The following NEMF variants were observed in gnomAD, a reference collection of about 807,000 sequenced individuals.
NEMF encodes nuclear export mediator factor, also known as ribosome quality control complex subunit NEMF.
In NEMF, 89 loss-of-function variants were observed where a neutral mutation model predicts 162.2. That is an observed-to-expected ratio of 0.55 (90% CI 0.46 to 0.65). NEMF has a LOEUF of 0.65. NEMF is among the 30% of genes least tolerant of loss of function. The pLI, the probability that NEMF is intolerant of heterozygous loss-of-function variation, is 0.00. For synonymous variants in NEMF, 421 were observed against 404.5 expected (o/e 1.04, Z -0.49); for missense variants, 1,133 against 1,261.9 (o/e 0.90, Z 1.55).
chr14:49,795,119 G>A (rs1267043905), intron 26 of NEMF, among the ~76,000 whole-genome samples: 2 of 152,020 alleles, frequency 1.3e-5, no homozygotes, highest in Non-Finnish European at 2.9e-5. Context: ...AAGATCACTT[G>A]AGCCTGGGAG....
chr14:49,834,487 A>G (rs1397725891), intron 6 of NEMF, 38 bp from the exon 7 acceptor site: 1 of 1,379,864 alleles, frequency 7.2e-7, no homozygotes, highest in Non-Finnish European at 1.0e-6. Context: ...GTATTTTCCT[A>G]TAAATTCTTT....
At chr14:49,843,435 A>G (rs1197117748) in intron 4 of NEMF, among the ~76,000 whole-genome samples, 1 of 152,186 alleles carries the variant, frequency 6.6e-6, no homozygotes, top group Non-Finnish European at 1.5e-5. Context: ...CCGAGTTTGC[A>G]GTAAGCCCTG....
At chr14:49,789,458 G>A (rs746991800) in intron 27 of NEMF, 38 bp downstream of exon 27, 11 of 1,609,120 alleles carry the variant, frequency 6.8e-6, no homozygotes, top group Non-Finnish European at 9.3e-6. Context: ...ATGCCCATTT[G>A]AAAAGCAAAA....
Position 49,782,290 on chromosome 14 carries a change from T to C in NEMF, c.*2346A>G, listed in dbSNP as rs1889942169. ...ACTACCTTAAGATCGCTAGTCTTTA[T>C]TTCATAGCTCTATTCTGTAGTATAA... On this transcript the variant is annotated 3_prime_UTR_variant, in exon 33 of 33. Transcript: ENST00000298310. 1.2e-6 allele frequency: 1 copy of C among 859,504 alleles called. No homozygotes were observed. The highest frequency in any genetic ancestry group is 1.7e-5 in the African/African-American group (1 of 58,626). The allele number at this position is 859,504 out of a possible 1,614,324, so 53.2% of individuals were successfully genotyped here.
In NEMF at chr14:49,796,000, C is replaced by A. The variant is rs1890676844; in HGVS notation, c.2466-56G>T. 2.8e-6 allele frequency: 4 copies of A among 1,443,838 alleles called. No homozygotes were observed. The African/African-American group carries it at 5.7e-5, about 21-fold the overall frequency. 89.4% of individuals were successfully genotyped at this position (1,443,838 alleles called of 1,614,324 possible). ...TCTTAGAATTTGAAATTCTTAGTGCCCTAAAAAAGTTCCATGGGGAAGGCA... is the reference window on the plus strand; with the variant it reads ...TCTTAGAATTTGAAATTCTTAGTGCACTAAAAAAGTTCCATGGGGAAGGCA... On this transcript the variant is annotated intron_variant, in intron 25 of 32. Transcript: ENST00000298310.
intron 4 of NEMF, among the ~76,000 whole-genome samples, chr14:49,844,248 G>C (rs1374440861): frequency 1.3e-5 from 2 of 152,044 alleles, no homozygotes. Context: ...AGATCATCAG[G>C]CATTAGATTC....
At chr14:49,821,136 C>A (rs1420705868) in intron 16 of NEMF, among the ~76,000 whole-genome samples, 10 of 11,958 alleles carry the variant, frequency 8.4e-4, no homozygotes, top group African/African-American at 9.0e-4. Flanking sequence ...AAGTGAGGAG[C>A]CCCTCCGCCC....
intron 3 of NEMF, among the ~76,000 whole-genome samples, chr14:49,847,157 T>A (rs1893544252): frequency 6.6e-6 from 1 of 152,074 alleles, no homozygotes; most frequent in Admixed American, 6.6e-5. Flanking sequence ...GTGCTGGGAT[T>A]ACAGGCATGA....
At chr14:49,813,465 T>A (rs1401484761) in intron 18 of NEMF, among the ~76,000 whole-genome samples, 1 of 152,220 alleles carries the variant, frequency 6.6e-6, no homozygotes, top group African/African-American at 2.4e-5. Context: ...TGATTCTGTG[T>A]CCAGTTATTC....
Position 49,802,392 on chromosome 14 carries a change from T to C in NEMF, c.2095+61A>G, listed in dbSNP as rs372034223. 5.7e-6 allele frequency: 9 copies of C among 1,565,540 alleles called. No homozygotes were observed. The East Asian group carries it at 1.3e-4, about 23-fold the overall frequency. On this transcript the variant is annotated intron_variant, in intron 22 of 32. Transcript: ENST00000298310. ...AAAGAGACATGATCTTCTAAGGATTTAGAAGCAAAACTAGGTAACAAAAAA... is the reference window on the plus strand; with the variant it reads ...AAAGAGACATGATCTTCTAAGGATTCAGAAGCAAAACTAGGTAACAAAAAA...
rs1175636531 is a variant in NEMF, at chr14:49,795,924, A to G, written c.2486T>C (p.Leu829Pro). Reference protein sequence around the residue: ...KERREMKKKKLPSDSGDLEAL... With the variant: ...KERREMKKKKPPSDSGDLEAL... Reference sequence around the variant, plus strand: ...TTCTAAATCTCCTGAGTCACTTGGAAGTTTTTTCTTTTTCATTTCCCTGAA... The same window carrying G: ...TTCTAAATCTCCTGAGTCACTTGGAGGTTTTTTCTTTTTCATTTCCCTGAA... The change falls in exon 26 of 33, where the codon CTT becomes CCT. Residue 829 changes from leucine (L) to proline (P), a missense_variant. Around this residue, in one of 3 missense-constraint regions of NEMF, gnomAD observed 532 missense variants for 578.6 expected, o/e 0.92. Coordinates refer to ENST00000298310, the MANE Select transcript of NEMF (RefSeq NM_004713.6). 4.4e-6 allele frequency: 7 copies of G among 1,597,964 alleles called. No homozygotes were observed. The highest frequency in any genetic ancestry group is 6.0e-6 in the Non-Finnish European group (7 of 1,175,952).
chr14:49,822,741 G>T (rs1410605956), intron 16 of NEMF, among the ~76,000 whole-genome samples: 2 of 144,916 alleles, frequency 1.4e-5, no homozygotes, highest in Admixed American at 1.4e-4. Context: ...CTGCAGGGAT[G>T]AAAAGGATGA....
At position 49,782,312 on chromosome 14, in the gene NEMF, A is replaced by G; in HGVS notation, c.*2324T>C. On this transcript the variant is annotated 3_prime_UTR_variant, in exon 33 of 33. Transcript: ENST00000298310. ...TTATTTCATAGCTCTATTCTGTAGT[A>G]TAAAATGGCCAACTGGTGTTCTGGG... 2 of 1,127,784 alleles carry G rather than the reference A, an allele frequency of 1.8e-6. No individual in the cohort carries two copies. The highest frequency in any genetic ancestry group is 2.6e-6 in the Non-Finnish European group (2 of 755,348). 69.9% of individuals were successfully genotyped at this position (1,127,784 alleles called of 1,614,324 possible).
chr14:49,791,758 A>T (rs1566650828), intron 26 of NEMF, among the ~76,000 whole-genome samples: 1 of 126,264 alleles, frequency 7.9e-6, no homozygotes. Context: ...AAAAAAAAAA[A>T]ATTCACTGAG....
rs201003160 is a variant in NEMF at position 49,789,128 on chromosome 14, C to T, written c.2895+18G>A. 11 of 1,605,244 alleles carry T rather than the reference C, an allele frequency of 6.9e-6. No individual in the cohort carries two copies. Among genetic ancestry groups the T allele is most frequent in the Non-Finnish European group, 8.5e-6 (10 of 1,172,744 alleles). On this transcript the variant is annotated intron_variant, in intron 28 of 32. Transcript: ENST00000298310. ...AATCACCCTAATTAAGAAGCAGAAG[C>T]CCACAAAGTAGCCATACCTTGTCAT...
chr14:49,844,972 T>C (rs1161596773), intron 4 of NEMF: 2 of 189,622 alleles, frequency 1.1e-5, no homozygotes, highest in African/African-American at 4.6e-5. Context: ...TTTTGCCACA[T>C]TGGGCAGGCT....
At position 49,840,658 on chromosome 14, in the gene NEMF, T is replaced by A. The variant is rs917455752; in HGVS notation, c.506+60A>T. 2.8e-6 allele frequency: 4 copies of A among 1,449,870 alleles called. No homozygotes were observed. In the South Asian group the frequency reaches 3.8e-5, roughly 14 times the overall value. 89.8% of individuals were successfully genotyped at this position (1,449,870 alleles called of 1,614,324 possible). On this transcript the variant is annotated intron_variant, in intron 5 of 32. Transcript: ENST00000298310. ...CTTTTTTTTAAGAGACAGGGTCTCA[T>A]TATGTTGCCCAGTACATTTTAATAC...
rs1320150490 is a variant in NEMF, at chr14:49,810,968, G to A, written c.1744+3020C>T. ...CGCACCACTTTATTACAGCCTGGGTGACAGGAGACCCTGTTTCAAAACAAA... is the reference window on the plus strand; with the variant it reads ...CGCACCACTTTATTACAGCCTGGGTAACAGGAGACCCTGTTTCAAAACAAA... On this transcript the variant is annotated intron_variant, in intron 18 of 32. Transcript: ENST00000298310. 2.0e-5 allele frequency among the ~76,000 whole-genome samples: 3 copies of A among 152,194 alleles called. No homozygotes were observed. In the East Asian group the frequency reaches 5.8e-4, roughly 29 times the overall value.
intron 16 of NEMF, among the ~76,000 whole-genome samples, chr14:49,825,501 T>G (rs1201483051): frequency 6.6e-6 from 1 of 152,264 alleles, no homozygotes. Context: ...GCACTGAGGC[T>G]GAGGCAGGAG....
Sources: gnomAD v4.1 joint callset for allele counts (sites outside exome capture counted in the v4.1 genomes callset) on GRCh38, gnomAD v4.1.1 for gene constraint, gnomAD v4.1.1 regional missense constraint, MANE v1.5 for transcripts, NCBI Gene and HGNC (gene_info 2026-07-23, HGNC 2026-07-21) for gene names.